LFNG: variants seen among roughly 807,000 people sequenced by gnomAD.
LFNG encodes beta-1,3-N-acetylglucosaminyltransferase lunatic fringe.
Under a neutral mutation model 32.7 loss-of-function variants are expected in LFNG, and 15 were observed. The observed-to-expected ratio is 0.46, with a 90% CI of 0.31 to 0.71. LFNG has a LOEUF of 0.71. LFNG is among the 30% of genes least tolerant of loss of function. The probability of loss-of-function intolerance (pLI) is 0.06; values close to 1 mark genes in which losing one functional copy is unlikely to be tolerated. For missense variants in LFNG, 520 were observed against 545.7 expected (o/e 0.95, Z 0.47); for synonymous variants, 274 against 246.8 (o/e 1.11, Z -1.03).
In LFNG at chr7:2,527,850, C is replaced by CTCT. The variant is rs1780040289; in HGVS notation, c.*642_*644dup. The CTCT allele has an allele frequency of 1.0e-6, 1 of 1,000,074 alleles. No individual in the cohort carries two copies. Among genetic ancestry groups the CTCT allele is most frequent in the South Asian group, 4.2e-5 (1 of 23,684 alleles). The allele number at this position is 1,000,074 out of a possible 1,614,324, so 62.0% of individuals were successfully genotyped here. On this transcript the variant is annotated 3_prime_UTR_variant, in exon 8 of 8. Coordinates refer to ENST00000222725, the MANE Select transcript of LFNG (RefSeq NM_001040167.2). This position sits in a 1 kb window ranked among gnomAD's most constrained non-coding sequence, Gnocchi z 4.4. ...GGGCAAACAGTGGCACCCCTCCCAG[C>CTCT]TCTTCTGAGTGGGGAGTCTTCCAGG...
At chr7:2,523,346 A>G (rs1304345820) in intron 1 of LFNG, among the ~76,000 whole-genome samples, 1 of 151,980 alleles carries the variant, frequency 6.6e-6, no homozygotes, top group Non-Finnish European at 1.5e-5. Flanking sequence ...CCACCCCCTT[A>G]GCTCTGGGCC....
downstream of LFNG, chr7:2,529,053 T>C: frequency 2.3e-6 from 1 of 428,352 alleles, no homozygotes; most frequent in East Asian, 3.6e-5. The surrounding 1 kb of genome is among the most constrained non-coding windows in gnomAD (Gnocchi z 4.2). Flanking sequence ...TCAGGGGTGG[T>C]GGGAAGAGTC....
At chr7:2,521,024 G>A (rs570040420) in intron 1 of LFNG, among the ~76,000 whole-genome samples, 1 of 152,348 alleles carries the variant, frequency 6.6e-6, no homozygotes, top group African/African-American at 2.4e-5. Context: ...TGTGGGGCTT[G>A]CAGTCGGGGA....
At chr7:2,525,878 G>T in intron 5 of LFNG, 108 bp downstream of exon 5, 18 of 947,886 alleles carry the variant, frequency 1.9e-5, no homozygotes, top group Middle Eastern at 3.1e-4. Flanking sequence ...CCTCCTGTGT[G>T]GCACTGCCCA....
rs894244564 is a variant in LFNG at position 2,519,827 on chromosome 7, C to T, written c.-35C>T. 4 of 1,064,264 alleles carry T rather than the reference C, an allele frequency of 3.8e-6. No homozygotes were observed. The highest frequency in any genetic ancestry group is 4.5e-6 in the Non-Finnish European group (4 of 880,276). 65.9% of individuals were successfully genotyped at this position (1,064,264 alleles called of 1,614,324 possible). A position where few individuals can be genotyped will look rare whatever the true frequency, so the allele number is the denominator to read the frequency against. The stretch of plus-strand genomic sequence containing the variant: ...TTCGGGTCGGTGCAAGGCAGGCGCA[C>T]GGGGAAGGGCGCGCCGCGCGGCCGC... On this transcript the variant is annotated 5_prime_UTR_variant, in exon 1 of 8. The change creates a new upstream start codon in the 5' untranslated region. Coordinates refer to ENST00000222725, the MANE Select transcript of LFNG (RefSeq NM_001040167.2).
chr7:2,519,809 C>A lies in LFNG; in HGVS notation c.-53C>A, dbSNP rs866876448. Reference sequence around the variant, plus strand: ...GCCGCCGGAGCGACGGGCTTCGGGTCGGTGCAAGGCAGGCGCACGGGGAAG... The same window carrying A: ...GCCGCCGGAGCGACGGGCTTCGGGTAGGTGCAAGGCAGGCGCACGGGGAAG... On this transcript the variant is annotated 5_prime_UTR_variant, in exon 1 of 8. Coordinates refer to ENST00000222725, the MANE Select transcript of LFNG (RefSeq NM_001040167.2). 5.0e-6 allele frequency: 5 copies of A among 1,007,212 alleles called. No homozygotes were observed. The highest frequency in any genetic ancestry group is 4.5e-5 in the South Asian group (1 of 22,012). 62.4% of individuals were successfully genotyped at this position (1,007,212 alleles called of 1,614,324 possible).
chr7:2,520,674 C>A lies in LFNG; in HGVS notation c.432+381C>A, dbSNP rs1042748274. Reference sequence around the variant, plus strand: ...ATTCTGTTCGGACCCACCCTCAGCTCAGACCCCTTCCTGGGGAGAAAGGCT... The same window carrying A: ...ATTCTGTTCGGACCCACCCTCAGCTAAGACCCCTTCCTGGGGAGAAAGGCT... On this transcript the variant is annotated intron_variant, in intron 1 of 7. Transcript: ENST00000222725. This position sits in a 1 kb window ranked among gnomAD's most constrained non-coding sequence, Gnocchi z 5.0. Among the ~76,000 whole-genome samples the A allele has an allele frequency of 1.3e-5, 2 of 152,268 alleles. No individual in the cohort carries two copies. Among genetic ancestry groups the A allele is most frequent in the Non-Finnish European group, 2.9e-5 (2 of 68,050 alleles).
chr7:2,520,167 C>A lies in LFNG; in HGVS notation c.306C>A (p.His102Gln), dbSNP rs758946205. 3.9e-6 allele frequency: 6 copies of A among 1,524,154 alleles called. No individual in the cohort carries two copies. Among genetic ancestry groups the A allele is most frequent in the Non-Finnish European group, 3.5e-6 (4 of 1,137,068 alleles). The allele number at this position is 1,524,154 out of a possible 1,614,324, so 94.4% of individuals were successfully genotyped here. A position where few individuals can be genotyped will look rare whatever the true frequency, so the allele number is the denominator to read the frequency against. The change falls in exon 1 of 8, where the codon CAC (histidine) becomes CAA (glutamine). Residue 102 changes from histidine (H) to glutamine (Q), a missense_variant. His to Gln is a conservative substitution (Grantham distance 24, BLOSUM62 0). Around this residue, in one of 3 missense-constraint regions of LFNG, gnomAD observed 360 missense variants for 354.7 expected, o/e 1.01. Coordinates refer to ENST00000222725, the MANE Select transcript of LFNG (RefSeq NM_001040167.2). The surrounding 1 kb of genome is among the most constrained non-coding windows in gnomAD (Gnocchi z 5.0). The part of the protein sequence containing the change: ...PGAAPRPADG[H>Q]PRPLAEPLAP... Reference sequence around the variant, plus strand: ...CTGCCCCCCGCCCCGCCGACGGCCACCCGCGCCCCCTGGCCGAGCCGCTCG... The same window carrying A: ...CTGCCCCCCGCCCCGCCGACGGCCAACCGCGCCCCCTGGCCGAGCCGCTCG...
In LFNG at chr7:2,520,239, C is replaced by CCGCG; in HGVS notation, c.384_387dup (p.Leu130AlafsTer22). Reference sequence around the variant, plus strand: ...CTGTCAAGACCACCAAAAAGTTCCACCGCGCGCGCCTCGACCTGCTGCTGG... The same window carrying CCGCG: ...CTGTCAAGACCACCAAAAAGTTCCACCGCGCGCGCGCGCCTCGACCTGCTGCTGG... On this transcript the variant is annotated frameshift_variant, in exon 1 of 8. Coordinates refer to ENST00000222725, the MANE Select transcript of LFNG (RefSeq NM_001040167.2). LOFTEE classifies it high-confidence loss of function. The surrounding 1 kb of genome is among the most constrained non-coding windows in gnomAD (Gnocchi z 5.0). The CCGCG allele has an allele frequency of 6.2e-7, 1 of 1,610,080 alleles. No individual in the cohort carries two copies. Among genetic ancestry groups the CCGCG allele is most frequent in the Non-Finnish European group, 8.5e-7 (1 of 1,178,798 alleles).
upstream of LFNG, among the ~76,000 whole-genome samples, chr7:2,516,195 A>G (rs1453813165): frequency 6.6e-6 from 1 of 152,224 alleles, no homozygotes; most frequent in Admixed American, 6.5e-5. Context: ...AGTCCTGTCC[A>G]GGAGTTTCCA....
upstream of LFNG, among the ~76,000 whole-genome samples, chr7:2,512,983 A>C (rs1185873404): frequency 1.3e-5 from 2 of 152,002 alleles, no homozygotes; most frequent in Non-Finnish European, 2.9e-5. Context: ...CACCTGCCCA[A>C]GCCTTCAAGC....
chr7:2,514,466 C>G (rs1779559766), upstream of LFNG, among the ~76,000 whole-genome samples: 1 of 152,230 alleles, frequency 6.6e-6, no homozygotes. Flanking sequence ...GTCTATGTGT[C>G]TGTCCATCTA....
At chr7:2,515,152 TTCCA>T (rs1273524878), upstream of LFNG, among the ~76,000 whole-genome samples, 1 of 143,680 alleles carries the variant, frequency 7.0e-6, no homozygotes, top group African/African-American at 2.6e-5. Flanking sequence ...CCATCCACCT[TTCCA>T]TCCATCCATC....
chr7:2,518,986 C>T (rs1294528225), upstream of LFNG, among the ~76,000 whole-genome samples: 1 of 152,080 alleles, frequency 6.6e-6, no homozygotes, highest in East Asian at 1.9e-4. Flanking sequence ...CACAGCTGGG[C>T]CGCATCTGGC....
chr7:2,522,656 G>C (rs929560437), intron 1 of LFNG, among the ~76,000 whole-genome samples: 1 of 150,598 alleles, frequency 6.6e-6, no homozygotes, highest in African/African-American at 2.4e-5. Flanking sequence ...GGCACTGGGG[G>C]GTCTGGGTCC....
rs1240583988 is a variant in LFNG at position 2,526,544 on chromosome 7, G to C, written c.987+135G>C. On this transcript the variant is annotated intron_variant, in intron 6 of 7. Coordinates refer to ENST00000222725, the MANE Select transcript of LFNG (RefSeq NM_001040167.2). The surrounding 1 kb of genome is among the most constrained non-coding windows in gnomAD (Gnocchi z 6.9). ...CAGCACTCCACTGTCAGCCAGGGGG[G>C]GTCACTCCTGCCATGAGCTCAAAGC... The C allele has an allele frequency of 1.0e-6, 1 of 971,966 alleles. No homozygotes were observed. The highest frequency in any genetic ancestry group is 1.6e-6 in the Non-Finnish European group (1 of 643,550). The allele number at this position is 971,966 out of a possible 1,614,324, so 60.2% of individuals were successfully genotyped here.
chr7:2,516,029 G>A (rs2128373681), upstream of LFNG, among the ~76,000 whole-genome samples: 1 of 152,342 alleles, frequency 6.6e-6, no homozygotes, highest in South Asian at 2.1e-4. Flanking sequence ...GGCCACGCCT[G>A]CCTTTTGGAA....
Position 2,526,161 on chromosome 7 carries a change from C to T in LFNG, c.822-83C>T, listed in dbSNP as rs569867410. ...GGGCTCCTCTCCCTGAGGAGTGCAGCGCCTTTGCCTGGTGGGGCCTCCCCA... is the reference window on the plus strand; with the variant it reads ...GGGCTCCTCTCCCTGAGGAGTGCAGTGCCTTTGCCTGGTGGGGCCTCCCCA... On this transcript the variant is annotated intron_variant, in intron 5 of 7. Transcript: ENST00000222725. The surrounding 1 kb of genome is among the most constrained non-coding windows in gnomAD (Gnocchi z 6.9). 4.5e-5 allele frequency: 67 copies of T among 1,478,790 alleles called. No homozygotes were observed. The East Asian group carries it at 5.2e-4, about 12-fold the overall frequency. The allele number at this position is 1,478,790 out of a possible 1,614,324, so 91.6% of individuals were successfully genotyped here.
Position 2,527,586 on chromosome 7 carries a change from T to C in LFNG, c.*374T>C. ...GCAGGGATGCGATGCGTAGGTGCCT[T>C]TCTCTTCCTGCTGACCACAAGCTCT... On this transcript the variant is annotated 3_prime_UTR_variant, in exon 8 of 8. Coordinates refer to ENST00000222725, the MANE Select transcript of LFNG (RefSeq NM_001040167.2). This position sits in a 1 kb window ranked among gnomAD's most constrained non-coding sequence, Gnocchi z 4.4. 8.3e-7 allele frequency: 1 copy of C among 1,201,068 alleles called. No individual in the cohort carries two copies. Among genetic ancestry groups the C allele is most frequent in the Non-Finnish European group, 1.1e-6 (1 of 952,132 alleles). 74.4% of individuals were successfully genotyped at this position (1,201,068 alleles called of 1,614,324 possible). A position where few individuals can be genotyped will look rare whatever the true frequency, so the allele number is the denominator to read the frequency against.
Sources: allele counts gnomAD v4.1 joint callset (sites outside exome capture counted in the v4.1 genomes callset), GRCh38; gene constraint gnomAD v4.1.1; regional missense constraint gnomAD v4.1.1; non-coding constraint Gnocchi (gnomAD v3.1); transcripts MANE v1.5; gene names NCBI Gene and HGNC (gene_info 2026-07-23, HGNC 2026-07-21).